The following SLC46A3 variants were observed in gnomAD, a reference collection of about 807,000 sequenced individuals.
SLC46A3 encodes lysosomal proton-coupled steroid conjugate and bile acid symporter SLC46A3.
In SLC46A3, 26 loss-of-function variants were observed where a neutral mutation model predicts 38.5. That is an observed-to-expected ratio of 0.68 (90% CI 0.49 to 0.94). The LOEUF (loss-of-function observed/expected upper bound fraction) is 0.94. SLC46A3 is among the 40% of genes least tolerant of loss of function. The probability of loss-of-function intolerance (pLI) is 0.00; values close to 1 mark genes in which losing one functional copy is unlikely to be tolerated. For missense variants in SLC46A3, 510 were observed against 544.3 expected (o/e 0.94, Z 0.63); for synonymous variants, 185 against 192.5 (o/e 0.96, Z 0.32).
chr13:28,712,714 G>C lies in SLC46A3; in HGVS notation c.1026C>G (p.Thr342=), dbSNP rs762444283. 10 of 1,603,894 alleles carry C rather than the reference G, an allele frequency of 6.2e-6. No individual in the cohort carries two copies. Among genetic ancestry groups the C allele is most frequent in the Non-Finnish European group, 8.5e-6 (10 of 1,177,468 alleles). The change falls in exon 3 of 6, where the codon ACC becomes ACG. Residue 342 remains threonine, a synonymous_variant. Coordinates refer to ENST00000266943, the MANE Select transcript of SLC46A3 (RefSeq NM_181785.4). Reference sequence around the variant, plus strand: ...TCATCAGTGTTGTACTGGCAAACGCGGTCATAGCCATTCCTGTCATCGTGG... The same window carrying C: ...TCATCAGTGTTGTACTGGCAAACGCCGTCATAGCCATTCCTGTCATCGTGG... ...IFTTMTGMAM[T]AFASTTLMMF...
chr13:28,700,781 ATAT>A lies in SLC46A3; in HGVS notation c.*713_*715del, dbSNP rs1168933277. The A allele has an allele frequency of 1.5e-5, 8 of 545,704 alleles. No homozygotes were observed. Among genetic ancestry groups the A allele is most frequent in the Non-Finnish European group, 2.3e-5 (7 of 310,700 alleles). 33.8% of individuals were successfully genotyped at this position (545,704 alleles called of 1,614,324 possible). On this transcript the variant is annotated 3_prime_UTR_variant, in exon 6 of 6. Coordinates refer to ENST00000266943, the MANE Select transcript of SLC46A3 (RefSeq NM_181785.4). ...TCCCAATTACCCATTACATATAGAA[ATAT>A]TATCATGCCTGTCACCGATGAAACA...
At chr13:28,703,041 T>G (rs1352329291) in intron 5 of SLC46A3, among the ~76,000 whole-genome samples, 1 of 152,210 alleles carries the variant, frequency 6.6e-6, no homozygotes, top group Non-Finnish European at 1.5e-5. Context: ...ATCATTCATC[T>G]AGTTGGCTCA....
rs139675539 is a variant in SLC46A3, at chr13:28,713,528, C to T, written c.212G>A (p.Arg71His). 5.6e-5 allele frequency: 89 copies of T among 1,603,290 alleles called. 1 individual carries two copies. The East Asian group carries it at 6.3e-4, about 11-fold the overall frequency. ...FQEEVQKKVSRFNLQMDISGL... is the reference protein window; with the variant it reads ...FQEEVQKKVSHFNLQMDISGL... ...ACTTATGTCCATCTGCAGATTAAAA[C>T]GTGACACTTTTTTCTGAACTTCCTG... The change falls in exon 3 of 6, where the codon CGT (arginine) becomes CAT (histidine). Residue 71 changes from arginine (R) to histidine (H), a missense_variant. Coordinates refer to ENST00000266943, the MANE Select transcript of SLC46A3 (RefSeq NM_181785.4).
In SLC46A3 at chr13:28,718,022, T is replaced by G. The variant is rs1326155906; in HGVS notation, c.-24A>C. 9 of 1,596,342 alleles carry G rather than the reference T, an allele frequency of 5.6e-6. No individual in the cohort carries two copies. Among genetic ancestry groups the G allele is most frequent in the Non-Finnish European group, 7.7e-6 (9 of 1,172,446 alleles). On this transcript the variant is annotated splice_region_variant and 5_prime_UTR_variant, in exon 2 of 6. Transcript: ENST00000266943. ...ATATTGCCTGGGTAGGTAGCTGTAT[T>G]CTATAAAAAGTGAAAACGGAGAAAG...
chr13:28,708,005 A>G (rs978307371), intron 4 of SLC46A3, among the ~76,000 whole-genome samples: 13 of 152,232 alleles, frequency 8.5e-5, no homozygotes, highest in Admixed American at 8.5e-4. Flanking sequence ...TATGGCATGT[A>G]ACAGAACGAT....
intron 2 of SLC46A3, among the ~76,000 whole-genome samples, chr13:28,713,927 TG>T (rs1885445642): frequency 6.6e-6 from 1 of 152,208 alleles, no homozygotes; most frequent in Non-Finnish European, 1.5e-5. Context: ...TAAACAAATT[TG>T]TGCATAAAAC....
intron 4 of SLC46A3, among the ~76,000 whole-genome samples, chr13:28,705,362 T>C (rs527725755): frequency 1.2e-4 from 19 of 152,342 alleles, no homozygotes; most frequent in Admixed American, 7.8e-4. Flanking sequence ...ATGGCTTATG[T>C]GTATATTCTA....
At chr13:28,714,915 A>G (rs1000212230) in intron 2 of SLC46A3, among the ~76,000 whole-genome samples, 1 of 152,232 alleles carries the variant, frequency 6.6e-6, no homozygotes, top group Non-Finnish European at 1.5e-5. Flanking sequence ...GAAATTTTGC[A>G]TGATCTTAAA....
intron 2 of SLC46A3, among the ~76,000 whole-genome samples, chr13:28,715,582 T>C (rs923598630): frequency 3.3e-5 from 5 of 152,198 alleles, no homozygotes; most frequent in African/African-American, 1.2e-4. Context: ...AAGAAGAAAT[T>C]TGTTAAAGGA....
In SLC46A3 at chr13:28,701,364, T is replaced by C. The variant is rs1593183228; in HGVS notation, c.*133A>G. On this transcript the variant is annotated 3_prime_UTR_variant, in exon 6 of 6. Coordinates refer to ENST00000266943, the MANE Select transcript of SLC46A3 (RefSeq NM_181785.4). Reference sequence around the variant, plus strand: ...AAGCCAGGAGCTGTCTCTCTGACTGTTCAGTTTAGAAGAAAAGATAGGTAA... The same window carrying C: ...AAGCCAGGAGCTGTCTCTCTGACTGCTCAGTTTAGAAGAAAAGATAGGTAA... 4 of 1,455,744 alleles carry C rather than the reference T, an allele frequency of 2.7e-6. No individual in the cohort carries two copies. The South Asian group carries it at 6.1e-5, about 22-fold the overall frequency. The allele number at this position is 1,455,744 out of a possible 1,614,324, so 90.2% of individuals were successfully genotyped here. A position where few individuals can be genotyped will look rare whatever the true frequency, so the allele number is the denominator to read the frequency against.
At chr13:28,711,348 C>T (rs529424347) in intron 3 of SLC46A3, among the ~76,000 whole-genome samples, 31 of 150,994 alleles carry the variant, frequency 2.1e-4, no homozygotes, top group African/African-American at 6.8e-4. Context: ...CACTTGAACC[C>T]GGGAGGTGGA....
chr13:28,713,032 T>A lies in SLC46A3; in HGVS notation c.708A>T (p.Glu236Asp), dbSNP rs1469583745. The A allele has an allele frequency of 2.0e-5, 32 of 1,612,276 alleles. No individual in the cohort carries two copies. The highest frequency in any genetic ancestry group is 2.6e-5 in the Non-Finnish European group (31 of 1,179,730). ...TTCGGTAAAATAGGTTTTTGAAGCCTTCACTACATGACATAGTAACATTCT... is the reference window on the plus strand; with the variant it reads ...TTCGGTAAAATAGGTTTTTGAAGCCATCACTACATGACATAGTAACATTCT... ...SSQNVTMSCSEGFKNLFYRTY... is the reference protein window; with the variant it reads ...SSQNVTMSCSDGFKNLFYRTY... The change falls in exon 3 of 6, where the codon GAA becomes GAT. Residue 236 changes from glutamate to aspartate, a missense_variant. Coordinates refer to ENST00000266943, the MANE Select transcript of SLC46A3 (RefSeq NM_181785.4).
chr13:28,717,623 A>T (rs1229048024), intron 2 of SLC46A3, among the ~76,000 whole-genome samples, 187 bp downstream of exon 2: 1 of 151,862 alleles, frequency 6.6e-6, no homozygotes, highest in Non-Finnish European at 1.5e-5. Context: ...AAGAAGAGGC[A>T]GATTTGAAAG....
At chr13:28,704,198 G>A in intron 4 of SLC46A3, 99 bp from the exon 5 acceptor site, 1 of 1,106,308 alleles carries the variant, frequency 9.0e-7, no homozygotes, top group Non-Finnish European at 1.3e-6. Flanking sequence ...ATTGAAAACA[G>A]TAAACATGAG....
At chr13:28,709,662 C>T (rs989828384) in intron 4 of SLC46A3, among the ~76,000 whole-genome samples, 8 of 152,204 alleles carry the variant, frequency 5.3e-5, no homozygotes, top group African/African-American at 1.9e-4. Context: ...TTTGTGTACC[C>T]TGCTCTGTGC....
At chr13:28,703,874 A>C in intron 5 of SLC46A3, 69 bp downstream of exon 5, 1 of 1,413,604 alleles carries the variant, frequency 7.1e-7, no homozygotes, top group Non-Finnish European at 9.7e-7. Context: ...TATGTAATTT[A>C]CTGGTGAGGT....
Position 28,713,433 on chromosome 13 carries a change from G to C in SLC46A3, c.307C>G (p.Pro103Ala), listed in dbSNP as rs778511038. 1.8e-5 allele frequency: 29 copies of C among 1,613,914 alleles called. No homozygotes were observed. In the Admixed American group the frequency reaches 4.7e-4, roughly 26 times the overall value. ...GCACCAACGGAAGACAAAATCATAG[G>C]GAATTTTCGTCCGTAGTGATCACTA... ...SISDHYGRKF[P>A]MILSSVGALA... Residue 103 changes from proline (P) to alanine (A), a missense_variant, in exon 3 of 6, where the codon CCT becomes GCT. Transcript: ENST00000266943.
intron 4 of SLC46A3, among the ~76,000 whole-genome samples, chr13:28,707,615 T>C (rs1326427067): frequency 6.6e-6 from 1 of 152,170 alleles, no homozygotes; most frequent in East Asian, 1.9e-4. Context: ...AAATAAACTA[T>C]ACCTCTTGAC....
chr13:28,711,629 G>A (rs1412448501), intron 3 of SLC46A3, among the ~76,000 whole-genome samples: 1 of 152,006 alleles, frequency 6.6e-6, no homozygotes, highest in Admixed American at 6.6e-5. Flanking sequence ...CATCTTTGTG[G>A]CAGAATAACT....
Sources: allele counts gnomAD v4.1 joint callset (sites outside exome capture counted in the v4.1 genomes callset), GRCh38; gene constraint gnomAD v4.1.1; transcripts MANE v1.5; gene names NCBI Gene and HGNC (gene_info 2026-07-23, HGNC 2026-07-21).